Variants in TMEM150B observed in about 807,000 individuals in gnomAD.
The protein encoded by TMEM150B is transmembrane protein 150B.
In TMEM150B, 33 loss-of-function variants were observed where a neutral mutation model predicts 25.2. The ratio of observed to expected loss-of-function variants is 1.31; its 90% CI spans 0.99 to 1.75. TMEM150B has a LOEUF of 1.75. Ranked by LOEUF, TMEM150B falls within the 40% of genes most tolerant of loss-of-function variation. TMEM150B has a pLI of 0.00. For missense variants in TMEM150B, 322 were observed against 306.1 expected, an observed-to-expected ratio of 1.05 and a Z score of -0.39; for synonymous variants, 133 against 134.8, an observed-to-expected ratio of 0.99 and a Z score of 0.09.
chr19:55,311,333 A>C (rs955049051), downstream of TMEM150B, among the ~76,000 whole-genome samples: 2 of 152,090 alleles, frequency 1.3e-5, no homozygotes, highest in African/African-American at 4.8e-5. Context: ...GGCCCCATGG[A>C]AATTGCTGGA....
At chr19:55,325,156 G>T (rs1029063889) in intron 1 of TMEM150B, 116 bp downstream of exon 1, 104 of 476,124 alleles carry the variant, frequency 2.2e-4, no homozygotes, top group Non-Finnish European at 2.0e-4. Flanking sequence ...GATGAGTTTG[G>T]CTCACTGGTG....
At chr19:55,312,772 G>T, downstream of TMEM150B, 1 of 1,361,876 alleles carries the variant, frequency 7.3e-7, no homozygotes, top group Non-Finnish European at 9.9e-7. Flanking sequence ...GATCTCCAGT[G>T]GCTCATCTTG....
Position 55,316,733 on chromosome 19 carries a change from C to T in TMEM150B, c.505+53G>A, listed in dbSNP as rs969431223. The T allele has an allele frequency of 8.5e-6, 12 of 1,408,028 alleles. No individual in the cohort carries two copies. The African/African-American group carries it at 1.5e-4, about 17-fold the overall frequency. 87.2% of individuals were successfully genotyped at this position (1,408,028 alleles called of 1,614,324 possible). The stretch of plus-strand genomic sequence containing the variant: ...GTGACAGACAGCCAGGCAGGAAGAC[C>T]AACTCCAGTGAAGAGCCACCTCCAA... On this transcript the variant is annotated intron_variant, in intron 7 of 7. Coordinates refer to ENST00000326652, the MANE Select transcript of TMEM150B (RefSeq NM_001282011.2).
intron 7 of TMEM150B, among the ~76,000 whole-genome samples, chr19:55,314,114 C>T (rs2088911361): frequency 6.6e-6 from 1 of 152,148 alleles, no homozygotes; most frequent in South Asian, 2.1e-4. Flanking sequence ...CTCTGCCTCC[C>T]AGGTTCAAGC....
chr19:55,322,576 G>T, intron 2 of TMEM150B, 72 bp downstream of exon 2: 1 of 631,986 alleles, frequency 1.6e-6, no homozygotes, highest in Middle Eastern at 7.8e-4. Context: ...TCTCCTGCTT[G>T]GGGAGTTTCT....
intron 3 of TMEM150B, 26 bp from the exon 4 acceptor site, chr19:55,320,643 G>C (rs754332206): frequency 6.2e-7 from 1 of 1,613,564 alleles, no homozygotes; most frequent in Admixed American, 1.7e-5. Context: ...GAGTGAGTGG[G>C]CGACTCTCAC....
At chr19:55,316,327 T>A (rs1425698531) in intron 7 of TMEM150B, among the ~76,000 whole-genome samples, 1 of 148,670 alleles carries the variant, frequency 6.7e-6, no homozygotes, top group East Asian at 1.9e-4. Context: ...GCCGAAAGAC[T>A]TTTCCTGTCT....
intron 1 of TMEM150B, chr19:55,324,865 T>C: frequency 2.0e-6 from 2 of 985,268 alleles, no homozygotes; most frequent in Non-Finnish European, 1.2e-6. Flanking sequence ...GGAATCCCTG[T>C]CTGTGGGCAA....
chr19:55,313,714 C>G (rs757871933), intron 7 of TMEM150B, among the ~76,000 whole-genome samples: 1 of 152,162 alleles, frequency 6.6e-6, no homozygotes, highest in African/African-American at 2.4e-5. Context: ...ATGTCTTGTG[C>G]CTTTCTCTCC....
chr19:55,318,576 C>T lies in TMEM150B; in HGVS notation c.324+1463G>A, dbSNP rs568383798. ...GCTTGAACCCAGCAGGCGGAGGTTG[C>T]GGTGAGCCAAGATCGCACTACTGCA... On this transcript the variant is annotated intron_variant, in intron 6 of 7. Transcript: ENST00000326652. Among the ~76,000 whole-genome samples, 4 of 152,108 alleles carry T rather than the reference C, an allele frequency of 2.6e-5. No individual in the cohort carries two copies. In the South Asian group the frequency reaches 6.2e-4, roughly 24 times the overall value.
At chr19:55,320,655 A>C (rs1390643432) in intron 3 of TMEM150B, 38 bp from the exon 4 acceptor site, 8 of 1,590,494 alleles carry the variant, frequency 5.0e-6, no homozygotes, top group African/African-American at 1.3e-5. Flanking sequence ...GACTCTCACC[A>C]ACAACTTTTC....
intron 1 of TMEM150B, among the ~76,000 whole-genome samples, chr19:55,324,151 T>G (rs2089276992): frequency 6.6e-6 from 1 of 152,164 alleles, no homozygotes; most frequent in African/African-American, 2.4e-5. Context: ...TTGAGATTCA[T>G]CCATGTTGTG....
chr19:55,321,093 C>A lies in TMEM150B; in HGVS notation c.-57G>T. The stretch of plus-strand genomic sequence containing the variant: ...AGGCTGGACACCTGTCTCTCTCACA[C>A]CTGAAGAACCAGCCCTCAAGGAGGG... On this transcript the variant is annotated splice_region_variant and 5_prime_UTR_variant, in exon 3 of 8. Transcript: ENST00000326652. 1 of 1,570,494 alleles carries A rather than the reference C, an allele frequency of 6.4e-7. No individual in the cohort carries two copies. The highest frequency in any genetic ancestry group is 8.6e-7 in the Non-Finnish European group (1 of 1,159,468).
At chr19:55,310,090 C>T (rs983945917), downstream of TMEM150B, among the ~76,000 whole-genome samples, 1 of 152,214 alleles carries the variant, frequency 6.6e-6, no homozygotes, top group Non-Finnish European at 1.5e-5. The surrounding 1 kb of genome is among the most constrained non-coding windows in gnomAD (Gnocchi z 5.0). Context: ...TGGTTCTCAA[C>T]TAGGGGAGCT....
chr19:55,314,420 A>C (rs923182200), intron 7 of TMEM150B, among the ~76,000 whole-genome samples: 3 of 151,272 alleles, frequency 2.0e-5, no homozygotes, highest in Non-Finnish European at 2.9e-5. Flanking sequence ...CAGCAGCCTC[A>C]CTCCTCCCTG....
Position 55,313,073 on chromosome 19 carries a change from G to A in TMEM150B, c.506-18C>T. ...GACGATCACTGCCCCAGGGTCAAGGGCCACACTGCTACCGTGACAGACGCG... is the reference window on the plus strand; with the variant it reads ...GACGATCACTGCCCCAGGGTCAAGGACCACACTGCTACCGTGACAGACGCG... On this transcript the variant is annotated intron_variant, in intron 7 of 7. Transcript: ENST00000326652. The A allele has an allele frequency of 6.3e-7, 1 of 1,599,968 alleles. No individual in the cohort carries two copies. The highest frequency in any genetic ancestry group is 8.5e-7 in the Non-Finnish European group (1 of 1,173,748).
chr19:55,316,256 G>A (rs902198249), intron 7 of TMEM150B, among the ~76,000 whole-genome samples: 15 of 152,134 alleles, frequency 9.9e-5, no homozygotes, highest in Admixed American at 2.0e-4. Flanking sequence ...GCCTCTCAGA[G>A]CCTGCGCAAG....
chr19:55,319,263 C>T (rs374083140), intron 6 of TMEM150B, among the ~76,000 whole-genome samples: 4 of 151,228 alleles, frequency 2.6e-5, no homozygotes, highest in African/African-American at 9.7e-5. Context: ...AGGCACCTGC[C>T]ACCACCCCTA....
intron 7 of TMEM150B, among the ~76,000 whole-genome samples, chr19:55,315,263 C>G (rs2088957315): frequency 1.3e-5 from 2 of 151,862 alleles, no homozygotes; most frequent in South Asian, 4.2e-4. Context: ...TTGCAGTGAG[C>G]CAAGATCATG....
Sources: allele counts gnomAD v4.1 joint callset (sites outside exome capture counted in the v4.1 genomes callset), GRCh38; gene constraint gnomAD v4.1.1; non-coding constraint Gnocchi (gnomAD v3.1); transcripts MANE v1.5; gene names NCBI Gene and HGNC (gene_info 2026-07-23, HGNC 2026-07-21).